Variants in RYR3 observed in about 807,000 individuals in gnomAD.
RYR3 encodes ryanodine receptor 3, also known as brain ryanodine receptor-calcium release channel.
A neutral mutation model predicts 584.3 loss-of-function variants in RYR3; 207 were observed. The ratio of observed to expected loss-of-function variants is 0.35; its 90% CI spans 0.32 to 0.40. The LOEUF (loss-of-function observed/expected upper bound fraction) is 0.40. Ranked by LOEUF, RYR3 falls within the 10% of genes least tolerant of loss-of-function variation. The pLI is 1.00. For synonymous variants in RYR3, 2,416 were observed against 2,248.5 expected (o/e 1.07, Z -2.11); for missense variants, 5,616 against 6,089.2 (o/e 0.92, Z 2.59).
chr15:33,347,469 C>T (rs1268440450), intron 1 of RYR3, among the ~76,000 whole-genome samples: 7 of 147,068 alleles, frequency 4.8e-5, no homozygotes, highest in East Asian at 2.0e-4. Flanking sequence ...TTTTTTGAGA[C>T]GGAGTCTTGC....
chr15:33,514,314 C>T (rs1408948684), intron 3 of RYR3, among the ~76,000 whole-genome samples: 1 of 152,142 alleles, frequency 6.6e-6, no homozygotes, highest in Non-Finnish European at 1.5e-5. Flanking sequence ...GCTCCAGACC[C>T]CGTTTCTCTG....
chr15:33,860,795 C>T lies in RYR3; in HGVS notation c.14364+136C>T. ...CGCAGTTTGTTTTCCATGCCCTGTT[C>T]TCTGCACCCTGCCATACCCCTGCCA... is the stretch of plus-strand genomic sequence containing the variant. On this transcript the variant is annotated intron_variant, in intron 101 of 103. Transcript: ENST00000634891. The T allele has an allele frequency of 4.1e-6, 3 of 737,340 alleles. No individual in the cohort carries two copies. The South Asian group carries it at 5.5e-5, about 14-fold the overall frequency. 45.7% of individuals were successfully genotyped at this position (737,340 alleles called of 1,614,324 possible). A position where few individuals can be genotyped will look rare whatever the true frequency, so the allele number is the denominator to read the frequency against.
chr15:33,565,828 C>CA (rs1052708491), intron 11 of RYR3, among the ~76,000 whole-genome samples: 25 of 152,112 alleles, frequency 1.6e-4, no homozygotes, highest in African/African-American at 5.5e-4. Flanking sequence ...CTGGTAGTCC[C>CA]AAAAAAATTG....
chr15:33,544,845 C>T (rs980527916), intron 8 of RYR3, among the ~76,000 whole-genome samples: 1 of 149,072 alleles, frequency 6.7e-6, no homozygotes, highest in East Asian at 2.0e-4. Context: ...TTGTTGCCTC[C>T]CTGGCACTGG....
chr15:33,855,632 TATTTCTGATATCTGCATCCAATTAA>T, intron 98 of RYR3, among the ~76,000 whole-genome samples: 2 of 3,964 alleles, frequency 5.0e-4, no homozygotes, highest in South Asian at 0.021. Context: ...TAAGAGCCAA[TATTTCTGATATCTGCATCCAATTAA>T]GAGCCAATGA....
chr15:33,326,659 T>G (rs1356346177), intron 1 of RYR3, among the ~76,000 whole-genome samples: 1 of 152,054 alleles, frequency 6.6e-6, no homozygotes, highest in East Asian at 1.9e-4. Flanking sequence ...TAAAAGTATG[T>G]GACATGTTCA....
rs933577941 is a variant in RYR3, at chr15:33,780,325, C to G, written c.9252C>G (p.Thr3084=). 1 of 1,613,672 alleles carries G rather than the reference C, an allele frequency of 6.2e-7. No homozygotes were observed. Among genetic ancestry groups the G allele is most frequent in the African/African-American group, 1.3e-5 (1 of 74,908 alleles). ...CACTCTCGGTCTTCAACACCAAAAC[C>G]CCCAGGGAGAGGTCTAGTAAGTATC... is the stretch of plus-strand genomic sequence containing the variant. ...YNPLSVFNTK[T]PRERSILGMP... is the part of the protein sequence containing the mutation. The change falls in exon 65 of 104, where the codon ACC becomes ACG. Residue 3084 remains threonine (T), a synonymous_variant. Coordinates refer to ENST00000634891, the MANE Select transcript of RYR3 (RefSeq NM_001036.6).
At chr15:33,375,586 G>C (rs1353663043) in intron 1 of RYR3, among the ~76,000 whole-genome samples, 2 of 152,202 alleles carry the variant, frequency 1.3e-5, no homozygotes, top group Non-Finnish European at 2.9e-5. Flanking sequence ...ACTGCAGTGG[G>C]ATTGACGGTG....
chr15:33,759,562 C>G (rs1051169533), intron 60 of RYR3, among the ~76,000 whole-genome samples: 2 of 151,920 alleles, frequency 1.3e-5, no homozygotes, highest in Non-Finnish European at 2.9e-5. Flanking sequence ...TGAAGATCAA[C>G]TAAATGAAAT....
At chr15:33,502,025 T>C (rs796874419) in intron 2 of RYR3, among the ~76,000 whole-genome samples, 9 of 152,284 alleles carry the variant, frequency 5.9e-5, no homozygotes, top group African/African-American at 2.2e-4. Context: ...GTTTTTAGGA[T>C]TTCTCAGCAT....
chr15:33,485,676 A>G (rs776467692), intron 2 of RYR3, among the ~76,000 whole-genome samples: 3 of 152,236 alleles, frequency 2.0e-5, no homozygotes, highest in South Asian at 2.1e-4. Context: ...GTGTGAGAGC[A>G]TAGGGTTGAA....
intron 1 of RYR3, among the ~76,000 whole-genome samples, chr15:33,432,303 GT>G (rs1287101909): frequency 6.6e-6 from 1 of 152,056 alleles, no homozygotes; most frequent in Non-Finnish European, 1.5e-5. Context: ...GAACAGTGTG[GT>G]ATCTGGGGAA....
intron 12 of RYR3, among the ~76,000 whole-genome samples, chr15:33,571,100 C>T (rs1235224111): frequency 2.3e-5 from 3 of 130,030 alleles, no homozygotes; most frequent in Non-Finnish European, 4.7e-5. Context: ...ACATCCACTA[C>T]AATGTGGAAT....
chr15:33,619,942 G>A (rs2152579551), intron 19 of RYR3, among the ~76,000 whole-genome samples: 1 of 152,228 alleles, frequency 6.6e-6, no homozygotes, highest in East Asian at 1.9e-4. Flanking sequence ...CCTCAGGCTG[G>A]GAACTTCTGA....
chr15:33,857,687 A>T, intron 98 of RYR3, 93 bp from the exon 99 acceptor site: 1 of 1,513,492 alleles, frequency 6.6e-7, no homozygotes. Flanking sequence ...GCCCGTCCTC[A>T]CTCTTCCTCC....
At chr15:33,612,127 G>A (rs1426282012) in intron 18 of RYR3, among the ~76,000 whole-genome samples, 1 of 152,150 alleles carries the variant, frequency 6.6e-6, no homozygotes, top group Non-Finnish European at 1.5e-5. Context: ...GGGAGGGGTA[G>A]GTGGTTATAA....
At chr15:33,851,159 C>T (rs2079083342) in intron 94 of RYR3, 3 of 152,134 alleles carry the variant, frequency 2.0e-5, no homozygotes, top group South Asian at 4.1e-4. Context: ...GATATTTCAA[C>T]TTGTTTTCTA....
chr15:33,505,487 T>C (rs535601361), intron 3 of RYR3, among the ~76,000 whole-genome samples: 49 of 152,092 alleles, frequency 3.2e-4, no homozygotes, highest in Non-Finnish European at 5.1e-4. Flanking sequence ...ACACTTCCAG[T>C]TTAGGGAAAC....
chr15:33,393,433 A>T (rs1041338307), intron 1 of RYR3, among the ~76,000 whole-genome samples: 1 of 152,228 alleles, frequency 6.6e-6, no homozygotes, highest in African/African-American at 2.4e-5. Context: ...CCTACATAAC[A>T]TGTATGAAAA....
Sources: gnomAD v4.1 joint callset for allele counts (sites outside exome capture counted in the v4.1 genomes callset) on GRCh38, gnomAD v4.1.1 for gene constraint, MANE v1.5 for transcripts, NCBI Gene and HGNC (gene_info 2026-07-23, HGNC 2026-07-21) for gene names.